The following ANXA8 variants were observed in gnomAD, a reference collection of about 807,000 sequenced individuals.
ANXA8 encodes the protein annexin A8, also known as VAC-beta.
ANXA8 carries 9 observed loss-of-function variants against 26.8 expected under a neutral mutation model. The observed-to-expected ratio is 0.34, with a 90% confidence interval of 0.20 to 0.59. The LOEUF is 0.59. Among genes scored for constraint, ANXA8 ranks in the 20% least tolerant of loss-of-function variants. The probability of loss-of-function intolerance (pLI) is 0.84; values close to 1 mark genes in which losing one functional copy is unlikely to be tolerated. For missense variants in ANXA8, 83 were observed against 238.5 expected, an observed-to-expected ratio of 0.35 and a Z score of 4.29; for synonymous variants, 39 against 94.8, an observed-to-expected ratio of 0.41 and a Z score of 3.42.
the ANXA8 span, among the ~76,000 whole-genome samples, chr10:47,683,377 C>A: frequency 1.4e-5 from 2 of 142,106 alleles, no homozygotes; most frequent in Non-Finnish European, 3.1e-5. Context: ...TACAGGCGCC[C>A]GCCACCACGC....
the ANXA8 span, among the ~76,000 whole-genome samples, chr10:47,655,586 C>T: frequency 6.6e-6 from 1 of 151,546 alleles, no homozygotes; most frequent in African/African-American, 2.4e-5. Context: ...GTGTTCAAGA[C>T]TGGATAGTGG....
chr10:47,566,632 T>C, the ANXA8 span, among the ~76,000 whole-genome samples: 2 of 145,276 alleles, frequency 1.4e-5, no homozygotes, highest in East Asian at 2.0e-4. Context: ...AGGACATGCA[T>C]TGGGCCCCAT....
chr10:47,644,597 C>T, the ANXA8 span, among the ~76,000 whole-genome samples: 4,995 of 151,820 alleles, frequency 0.033, 173 homozygotes, highest in African/African-American at 0.097. Context: ...CTTTTTAAAA[C>T]GTATGTCTCT....
chr10:47,717,806 T>C, the ANXA8 span, among the ~76,000 whole-genome samples: 1 of 151,740 alleles, frequency 6.6e-6, no homozygotes, highest in Non-Finnish European at 1.5e-5. Flanking sequence ...GAGACCAGCC[T>C]GGCCAACGTG....
the ANXA8 span, among the ~76,000 whole-genome samples, chr10:47,949,485 A>C: frequency 6.7e-6 from 1 of 150,096 alleles, no homozygotes; most frequent in African/African-American, 2.5e-5. Flanking sequence ...CTTAATGGTA[A>C]GTATGTGGGT....
the ANXA8 span, chr10:47,986,474 T>C: frequency 7.4e-6 from 2 of 270,966 alleles, no homozygotes; most frequent in South Asian, 7.3e-5. Flanking sequence ...GAAGTTTTTT[T>C]CTCACGGCTT....
chr10:47,945,535 C>A, the ANXA8 span, among the ~76,000 whole-genome samples: 1 of 149,314 alleles, frequency 6.7e-6, no homozygotes, highest in Non-Finnish European at 1.5e-5. Flanking sequence ...CCTACGTCAG[C>A]TCCAGAGAGG....
At chr10:47,929,969 G>C in the ANXA8 span, among the ~76,000 whole-genome samples, 2 of 152,180 alleles carry the variant, frequency 1.3e-5, no homozygotes, top group Non-Finnish European at 2.9e-5. Context: ...AAATTTCACA[G>C]TCACAGTCTC....
chr10:47,626,905 C>T, the ANXA8 span, among the ~76,000 whole-genome samples: 1 of 149,616 alleles, frequency 6.7e-6, no homozygotes, highest in African/African-American at 2.5e-5. Flanking sequence ...TAAAAACGTT[C>T]CATTTTTAAA....
At chr10:47,971,123 A>T in the ANXA8 span, among the ~76,000 whole-genome samples, 4 of 151,356 alleles carry the variant, frequency 2.6e-5, no homozygotes, top group South Asian at 4.2e-4. Context: ...CTGAGTGACC[A>T]CAGGGCTCTG....
At chr10:47,573,950 T>G in the ANXA8 span, among the ~76,000 whole-genome samples, 1 of 147,906 alleles carries the variant, frequency 6.8e-6, no homozygotes, top group African/African-American at 2.6e-5. Flanking sequence ...TTCAAAGAAG[T>G]TGATTATCTA....
At chr10:47,897,034 G>A in the ANXA8 span, among the ~76,000 whole-genome samples, 1 of 128,814 alleles carries the variant, frequency 7.8e-6, no homozygotes. Context: ...GGGTTCAAGC[G>A]ATTGTCCTAC....
chr10:47,580,781 C>A, the ANXA8 span, among the ~76,000 whole-genome samples: 1 of 144,142 alleles, frequency 6.9e-6, no homozygotes, highest in South Asian at 2.2e-4. Context: ...ACAAAACAAA[C>A]AAAAAAAAAC....
At chr10:47,936,794 G>T in the ANXA8 span, among the ~76,000 whole-genome samples, 33 of 151,904 alleles carry the variant, frequency 2.2e-4, no homozygotes, top group African/African-American at 7.7e-4. Flanking sequence ...ACATCAGCCC[G>T]GCTAGGTCCC....
chr10:47,646,573 A>C, the ANXA8 span, among the ~76,000 whole-genome samples: 1 of 151,406 alleles, frequency 6.6e-6, no homozygotes, highest in Non-Finnish European at 1.5e-5. Context: ...TTGAGACAGA[A>C]ACAGGCCAAT....
At chr10:47,668,071 G>A in the ANXA8 span, among the ~76,000 whole-genome samples, 1 of 151,314 alleles carries the variant, frequency 6.6e-6, no homozygotes, top group Non-Finnish European at 1.5e-5. Context: ...AACTTACATT[G>A]TTTAGTTTTG....
At chr10:47,768,917 G>C in the ANXA8 span, among the ~76,000 whole-genome samples, 1 of 150,326 alleles carries the variant, frequency 6.7e-6, no homozygotes, top group African/African-American at 2.5e-5. Flanking sequence ...GTGTGGCTCA[G>C]AGTGTGATGG....
the ANXA8 span, among the ~76,000 whole-genome samples, chr10:47,655,414 T>A: frequency 5.9e-5 from 9 of 151,614 alleles, no homozygotes; most frequent in African/African-American, 1.9e-4. Context: ...AATTGAACAG[T>A]TGGATTGGTC....
the ANXA8 span, among the ~76,000 whole-genome samples, chr10:47,664,625 CT>C: frequency 2.7e-5 from 4 of 150,920 alleles, no homozygotes; most frequent in Admixed American, 6.6e-5. Context: ...TTTTTGGTAC[CT>C]AAAATAATTT....
Sources: gnomAD v4.1 joint callset for allele counts (sites outside exome capture counted in the v4.1 genomes callset) on GRCh38, gnomAD v4.1.1 for gene constraint, MANE v1.5 for transcripts, NCBI Gene and HGNC (gene_info 2026-07-23, HGNC 2026-07-21) for gene names.